Variants in ADGRD1 observed in about 807,000 individuals in gnomAD.
ADGRD1 encodes adhesion G protein-coupled receptor D1, also known as G-protein coupled receptor 133.
In ADGRD1, 77 loss-of-function variants were observed where a neutral mutation model predicts 113.4. The ratio of observed to expected loss-of-function variants is 0.68; its 90% CI spans 0.57 to 0.82. ADGRD1 has a LOEUF of 0.82. Among genes scored for constraint, ADGRD1 ranks in the 40% least tolerant of loss-of-function variants. The probability of loss-of-function intolerance (pLI) is 0.00; values close to 1 mark genes in which losing one functional copy is unlikely to be tolerated. For synonymous variants in ADGRD1, 474 were observed against 475.0 expected, an observed-to-expected ratio of 1.00 and a Z score of 0.03; for missense variants, 1,036 against 1,139.1, an observed-to-expected ratio of 0.91 and a Z score of 1.30.
chr12:131,028,101 G>A (rs188490544), intron 13 of ADGRD1: 14 of 152,326 alleles, frequency 9.2e-5, no homozygotes, highest in African/African-American at 2.9e-4. Context: ...TTGGCAGAGC[G>A]TGAGAAGCCC....
chr12:131,009,582 G>A (rs563853331), intron 12 of ADGRD1, among the ~76,000 whole-genome samples: 1 of 152,342 alleles, frequency 6.6e-6, no homozygotes, highest in African/African-American at 2.4e-5. Context: ...GGAGTATGCT[G>A]TGATGCCTGC....
intron 18 of ADGRD1, among the ~76,000 whole-genome samples, chr12:131,115,808 T>G (rs1173474237): frequency 6.6e-6 from 1 of 152,064 alleles, no homozygotes; most frequent in African/African-American, 2.4e-5. Flanking sequence ...TGATACAGAT[T>G]ATTGCAAGAT....
intron 20 of ADGRD1, among the ~76,000 whole-genome samples, chr12:131,121,231 T>C (rs1197346023): frequency 6.6e-6 from 1 of 152,118 alleles, no homozygotes; most frequent in Non-Finnish European, 1.5e-5. Context: ...CGGTGCCTTC[T>C]CACCCACCGG....
intron 2 of ADGRD1, chr12:130,957,076 T>C (rs1280430578): frequency 1.3e-5 from 2 of 152,100 alleles, no homozygotes; most frequent in African/African-American, 2.4e-5. Flanking sequence ...CACACATGTG[T>C]CCACACAATT....
At chr12:131,026,479 C>G (rs546543670) in intron 13 of ADGRD1, 2 of 152,204 alleles carry the variant, frequency 1.3e-5, no homozygotes, top group African/African-American at 4.8e-5. Flanking sequence ...AGCTCCGGAG[C>G]GCTTTCTGAC....
chr12:131,138,616 C>T (rs1469179719), intron 24 of ADGRD1, among the ~76,000 whole-genome samples: 4 of 152,274 alleles, frequency 2.6e-5, no homozygotes, highest in African/African-American at 9.6e-5. Flanking sequence ...CCTGCTGGAG[C>T]CCTGCTCAGG....
chr12:131,072,936 T>A (rs540738841), intron 13 of ADGRD1, among the ~76,000 whole-genome samples: 1 of 152,318 alleles, frequency 6.6e-6, no homozygotes, highest in South Asian at 2.1e-4. Flanking sequence ...GGAGAGTGAC[T>A]TAACCAGACA....
rs1046606456 is a variant in ADGRD1 at position 130,965,764 on chromosome 12, T to G, written c.104-699T>G. On this transcript the variant is annotated intron_variant, in intron 2 of 24. Transcript: ENST00000261654. The surrounding 1 kb of genome is among the most constrained non-coding windows in gnomAD (Gnocchi z 4.8). ...AAAATAACATACCTGCATAAAGTTA[T>G]GTTTACTCAAAGTATAAGGATCACG... Among the ~76,000 whole-genome samples, 2 of 152,260 alleles carry G rather than the reference T, an allele frequency of 1.3e-5. No homozygotes were observed. Among genetic ancestry groups the G allele is most frequent in the Admixed American group, 1.3e-4 (2 of 15,286 alleles).
chr12:130,955,675 G>A (rs1221452163), intron 2 of ADGRD1, among the ~76,000 whole-genome samples: 1 of 152,182 alleles, frequency 6.6e-6, no homozygotes, highest in African/African-American at 2.4e-5. Context: ...CCTGTTGTGA[G>A]CACAGCCTCT....
chr12:130,999,813 T>G (rs1241202469), intron 8 of ADGRD1, among the ~76,000 whole-genome samples: 1 of 152,284 alleles, frequency 6.6e-6, no homozygotes, highest in South Asian at 2.1e-4. Flanking sequence ...TAAAACGAAG[T>G]AGAAAATTCA....
intron 13 of ADGRD1, among the ~76,000 whole-genome samples, chr12:131,063,749 G>A (rs1293272245): frequency 2.0e-5 from 3 of 152,164 alleles, no homozygotes; most frequent in East Asian, 1.9e-4. Context: ...CTTCTTTTAC[G>A]AAATTGTTTT....
At chr12:130,977,473 A>G (rs966518542) in intron 4 of ADGRD1, 9 of 152,284 alleles carry the variant, frequency 5.9e-5, no homozygotes, top group African/African-American at 2.2e-4. Context: ...CAGCCGGGAA[A>G]CGGGCTCTGA....
intron 13 of ADGRD1, among the ~76,000 whole-genome samples, chr12:131,032,694 G>C (rs1880914783): frequency 7.3e-6 from 1 of 137,766 alleles, no homozygotes; most frequent in African/African-American, 3.3e-5. Context: ...ACATTTATTA[G>C]AGAAATCGCC....
chr12:131,081,404 C>T (rs1886060654), intron 14 of ADGRD1, among the ~76,000 whole-genome samples: 1 of 152,094 alleles, frequency 6.6e-6, no homozygotes, highest in Non-Finnish European at 1.5e-5. Flanking sequence ...TTTTATGATG[C>T]TATTTTATCT....
chr12:131,081,011 C>T (rs1886031091), intron 14 of ADGRD1, among the ~76,000 whole-genome samples: 1 of 152,112 alleles, frequency 6.6e-6, no homozygotes, highest in South Asian at 2.1e-4. Flanking sequence ...GAAGATTAGC[C>T]CTTTTATCAT....
intron 13 of ADGRD1, among the ~76,000 whole-genome samples, chr12:131,064,670 T>G (rs2137102641): frequency 6.6e-6 from 1 of 152,382 alleles, no homozygotes; most frequent in African/African-American, 2.4e-5. Context: ...GCACATTTTC[T>G]AAATGGAGGA....
intron 20 of ADGRD1, among the ~76,000 whole-genome samples, chr12:131,128,137 G>A (rs1263831898): frequency 5.4e-5 from 8 of 148,030 alleles, no homozygotes; most frequent in African/African-American, 2.0e-4. Context: ...TGACTGTGTT[G>A]GTTGTGATGG....
chr12:131,093,685 G>A (rs866690126), intron 15 of ADGRD1, among the ~76,000 whole-genome samples: 2 of 152,192 alleles, frequency 1.3e-5, no homozygotes, highest in African/African-American at 4.8e-5. Flanking sequence ...CTCCCTCCAC[G>A]GGGTCTCTGT....
chr12:130,966,473 G>A lies in ADGRD1; in HGVS notation c.114G>A (p.Val38=). The change falls in exon 3 of 25, where the codon GTG becomes GTA. Residue 38 remains valine (V), a synonymous_variant. Coordinates refer to ENST00000261654, the MANE Select transcript of ADGRD1 (RefSeq NM_198827.5). The surrounding 1 kb of genome is among the most constrained non-coding windows in gnomAD (Gnocchi z 4.6). ...TCTTTTTTCCCCAAGGATTTCAGGT[G>A]TTGGCGTCTGCTTCCCATTACTGGC... ...SRSQDHPGFQ[V]LASASHYWPL... is the part of the protein sequence containing the mutation. 6.2e-7 allele frequency: 1 copy of A among 1,605,710 alleles called. No individual in the cohort carries two copies. The highest frequency in any genetic ancestry group is 8.5e-7 in the Non-Finnish European group (1 of 1,172,316).
Sources: gnomAD v4.1 joint callset for allele counts (sites outside exome capture counted in the v4.1 genomes callset) on GRCh38, gnomAD v4.1.1 for gene constraint, Gnocchi (gnomAD v3.1) non-coding constraint, MANE v1.5 for transcripts, NCBI Gene and HGNC (gene_info 2026-07-23, HGNC 2026-07-21) for gene names.